The following CRACR2A variants were observed in gnomAD, a reference collection of about 807,000 sequenced individuals.
The protein encoded by CRACR2A is calcium release activated channel regulator 2A, also known as EF-hand calcium-binding domain-containing protein 4B.
A neutral mutation model predicts 90.5 loss-of-function variants in CRACR2A; 79 were observed. The observed-to-expected ratio is 0.87, with a 90% CI of 0.73 to 1.05. The LOEUF (loss-of-function observed/expected upper bound fraction) is 1.05. Ranked by LOEUF, CRACR2A falls within the 50% of genes least tolerant of loss-of-function variation. CRACR2A has a pLI of 0.00. For synonymous variants in CRACR2A, 338 were observed against 356.7 expected (o/e 0.95, Z 0.59); for missense variants, 823 against 897.2 (o/e 0.92, Z 1.06).
At chr12:3,672,410 C>T (rs1225207789) in intron 7 of CRACR2A, among the ~76,000 whole-genome samples, 1 of 152,166 alleles carries the variant, frequency 6.6e-6, no homozygotes, top group Non-Finnish European at 1.5e-5. Flanking sequence ...AACTGCATAG[C>T]CAAGGGATTG....
In CRACR2A at chr12:3,619,356, C is replaced by G; in HGVS notation, c.1949G>C (p.Arg650Pro). The change falls in exon 18 of 20, where the codon CGG (arginine) becomes CCG (proline). Residue 650 changes from arginine (R) to proline (P), a missense_variant. Transcript: ENST00000440314. ...ATTACCCAGCAGAAGAACAGGCACC[C>G]GGTCTCCCACAGCTTCCTGCAGAAC... ...LSSVEEAVGDRVPVLLLGNKL... is the reference protein window; with the variant it reads ...LSSVEEAVGDPVPVLLLGNKL... 1 of 1,551,640 alleles carries G rather than the reference C, an allele frequency of 6.4e-7. No individual in the cohort carries two copies. Among genetic ancestry groups the G allele is most frequent in the Non-Finnish European group, 8.7e-7 (1 of 1,146,966 alleles).
At chr12:3,622,904 G>C (rs959594599) in intron 17 of CRACR2A, among the ~76,000 whole-genome samples, 2 of 151,792 alleles carry the variant, frequency 1.3e-5, no homozygotes, top group African/African-American at 4.8e-5. Flanking sequence ...TTGGAACGTG[G>C]AGAAAAAAAA....
At position 3,633,169 on chromosome 12, in the gene CRACR2A, A is replaced by G. The variant is rs746948098; in HGVS notation, c.1735+435T>C. On this transcript the variant is annotated intron_variant, in intron 15 of 19. Coordinates refer to ENST00000440314, the MANE Select transcript of CRACR2A (RefSeq NM_001144958.2). This position sits in a 1 kb window ranked among gnomAD's most constrained non-coding sequence, Gnocchi z 4.5. ...CAAGGCCAGGATGTAGCAGGCCCTCAGGAAGACAGGGGGAGGTGTGGCAGG... is the reference window on the plus strand; with the variant it reads ...CAAGGCCAGGATGTAGCAGGCCCTCGGGAAGACAGGGGGAGGTGTGGCAGG... 6.6e-6 allele frequency among the ~76,000 whole-genome samples: 1 copy of G among 152,026 alleles called. No individual in the cohort carries two copies. The highest frequency in any genetic ancestry group is 1.5e-5 in the Non-Finnish European group (1 of 67,984).
intron 1 of CRACR2A, among the ~76,000 whole-genome samples, chr12:3,743,695 G>A (rs543412059): frequency 6.6e-6 from 1 of 152,318 alleles, no homozygotes; most frequent in African/African-American, 2.4e-5. Context: ...GCAGGCATTT[G>A]ACAAATTATC....
intron 14 of CRACR2A, among the ~76,000 whole-genome samples, chr12:3,634,205 C>T (rs1303853427): frequency 1.3e-5 from 2 of 152,204 alleles, no homozygotes; most frequent in African/African-American, 2.4e-5. Flanking sequence ...GGCTTATCCA[C>T]ATCACAGGGA....
intron 2 of CRACR2A, chr12:3,732,086 A>G (rs1946367641): frequency 6.6e-6 from 1 of 152,162 alleles, no homozygotes; most frequent in Non-Finnish European, 1.5e-5. Context: ...TCGGGTGGCA[A>G]AAGTACCCGC....
At chr12:3,671,259 G>C (rs976222037) in intron 7 of CRACR2A, among the ~76,000 whole-genome samples, 13 of 152,158 alleles carry the variant, frequency 8.5e-5, no homozygotes, top group Non-Finnish European at 8.8e-5. Flanking sequence ...ACAGAAGAAT[G>C]CCTTCCTCTC....
rs1484788577 is a variant in CRACR2A at position 3,640,367 on chromosome 12, C to CA, written c.1271+1364dup. On this transcript the variant is annotated intron_variant, in intron 13 of 19. Transcript: ENST00000440314. Reference sequence around the variant, plus strand: ...CCAGCAAAGAGCACAGGACCTCACACATAGTAGACACTCAATAAATATTTA... The same window carrying CA: ...CCAGCAAAGAGCACAGGACCTCACACAATAGTAGACACTCAATAAATATTTA... The CA allele has an allele frequency of 1.4e-4, 76 of 527,020 alleles. No individual in the cohort carries two copies. In the African/African-American group the frequency reaches 1.4e-3, roughly 10 times the overall value. The allele number at this position is 527,020 out of a possible 1,614,324, so 32.6% of individuals were successfully genotyped here.
intron 6 of CRACR2A, among the ~76,000 whole-genome samples, chr12:3,677,818 C>A (rs1945362832): frequency 6.6e-6 from 1 of 152,204 alleles, no homozygotes; most frequent in African/African-American, 2.4e-5. Context: ...CTGTGTAGCG[C>A]CCCCACCAGG....
At chr12:3,688,353 G>A (rs1945600597) in intron 4 of CRACR2A, among the ~76,000 whole-genome samples, 1 of 152,098 alleles carries the variant, frequency 6.6e-6, no homozygotes, top group Admixed American at 6.6e-5. Flanking sequence ...TCCATTTTGA[G>A]TTTTGTTTTG....
chr12:3,648,090 G>C, intron 11 of CRACR2A: 4 of 997,854 alleles, frequency 4.0e-6, no homozygotes, highest in Non-Finnish European at 4.8e-6. Context: ...CCATCAGAGA[G>C]TAGCTGTGTC....
intron 1 of CRACR2A, among the ~76,000 whole-genome samples, chr12:3,734,627 GTA>G (rs1282052856): frequency 1.1e-5 from 1 of 90,972 alleles, no homozygotes; most frequent in Admixed American, 1.0e-4. Flanking sequence ...TGAGGTGTGT[GTA>G]TGTGTGTGTG....
At chr12:3,726,191 G>A (rs915570015) in intron 2 of CRACR2A, 9 of 150,554 alleles carry the variant, frequency 6.0e-5, no homozygotes, top group African/African-American at 2.2e-4. Context: ...CATACTATAT[G>A]TATATTTTAT....
chr12:3,744,665 T>C (rs1206816762), intron 1 of CRACR2A, among the ~76,000 whole-genome samples: 1 of 152,158 alleles, frequency 6.6e-6, no homozygotes, highest in Non-Finnish European at 1.5e-5. Context: ...GTGCTTTTGA[T>C]TGAAGCAGAT....
At chr12:3,706,932 A>C (rs146405129) in intron 3 of CRACR2A, among the ~76,000 whole-genome samples, 64 of 152,332 alleles carry the variant, frequency 4.2e-4, no homozygotes, top group African/African-American at 1.5e-3. Context: ...CATTGAAATC[A>C]AATTGGCTTC....
chr12:3,656,991 C>G (rs1276501861), intron 8 of CRACR2A, among the ~76,000 whole-genome samples: 2 of 152,234 alleles, frequency 1.3e-5, no homozygotes, highest in Non-Finnish European at 2.9e-5. Context: ...AATATCTGCT[C>G]CTTCCCTAGG....
intron 6 of CRACR2A, among the ~76,000 whole-genome samples, chr12:3,674,152 C>T (rs1189203964): frequency 1.3e-5 from 2 of 152,166 alleles, no homozygotes; most frequent in East Asian, 1.9e-4. Flanking sequence ...GAGGTAAAGA[C>T]GTGCCATGTG....
At chr12:3,675,449 G>A (rs1434012758) in intron 6 of CRACR2A, among the ~76,000 whole-genome samples, 2 of 152,148 alleles carry the variant, frequency 1.3e-5, no homozygotes, top group African/African-American at 2.4e-5. Context: ...TTTGAGAGGT[G>A]ATTAGATCAT....
At chr12:3,632,073 G>C (rs1944385832) in intron 15 of CRACR2A, among the ~76,000 whole-genome samples, 1 of 152,152 alleles carries the variant, frequency 6.6e-6, no homozygotes, top group South Asian at 2.1e-4. Flanking sequence ...TTCATGAATG[G>C]TTTAGCACCT....
Sources: allele counts gnomAD v4.1 joint callset (sites outside exome capture counted in the v4.1 genomes callset), GRCh38; gene constraint gnomAD v4.1.1; non-coding constraint Gnocchi (gnomAD v3.1); transcripts MANE v1.5; gene names NCBI Gene and HGNC (gene_info 2026-07-23, HGNC 2026-07-21).